BRMS1: variants seen among roughly 807,000 people sequenced by gnomAD.
BRMS1 encodes the protein BRMS1 transcriptional repressor and anoikis regulator, also known as breast cancer metastasis-suppressor 1.
Under a neutral mutation model 40.4 loss-of-function variants are expected in BRMS1, and 26 were observed. The observed-to-expected ratio is 0.64, with a 90% CI of 0.47 to 0.89. The LOEUF is 0.89. BRMS1 is among the 40% of genes least tolerant of loss of function. BRMS1 has a pLI of 0.00. For missense variants in BRMS1, 289 were observed against 309.4 expected (o/e 0.93, Z 0.49); for synonymous variants, 103 against 116.0 (o/e 0.89, Z 0.72).
In BRMS1 at chr11:66,342,080, G is replaced by C; in HGVS notation, c.139+16C>G. ...TCTGTGTGTGTGTGTGTGTGTCTGT[G>C]TGTGTAGGGGCTCACCGGAGCTCTC... On this transcript the variant is annotated intron_variant, in intron 2 of 9. Coordinates refer to ENST00000359957, the MANE Select transcript of BRMS1 (RefSeq NM_015399.4). 6.2e-7 allele frequency: 1 copy of C among 1,608,436 alleles called. No homozygotes were observed. The highest frequency in any genetic ancestry group is 8.5e-7 in the Non-Finnish European group (1 of 1,177,776).
intron 1 of BRMS1, among the ~76,000 whole-genome samples, 152 bp from the exon 2 acceptor site, chr11:66,342,393 G>A (rs1452678412): frequency 6.6e-6 from 1 of 152,054 alleles, no homozygotes; most frequent in Non-Finnish European, 1.5e-5. Flanking sequence ...GGGTGACAAG[G>A]GTGCAAATGG....
At chr11:66,340,732 G>T in intron 6 of BRMS1, 42 bp downstream of exon 6, 1 of 1,548,676 alleles carries the variant, frequency 6.5e-7, no homozygotes, top group South Asian at 1.1e-5. Flanking sequence ...GGCGTGGACT[G>T]AGCGGGGCCC....
rs548593872 is a variant in BRMS1, at chr11:66,341,726, T to C, written c.140-103A>G. 3,221 of 976,046 alleles carry C rather than the reference T, an allele frequency of 3.3e-3. 8 individuals are homozygous for C. Among genetic ancestry groups the C allele is most frequent in the Non-Finnish European group, 3.7e-3 (2,269 of 609,230 alleles). The allele number at this position is 976,046 out of a possible 1,614,324, so 60.5% of individuals were successfully genotyped here. ...GTGTGTGTGTGCATGCATGCCTGTG[T>C]GTAGGGCCTGTGTGTGTGTGCGCGT... On this transcript the variant is annotated intron_variant, in intron 2 of 9. Transcript: ENST00000359957. The surrounding 1 kb of genome is among the most constrained non-coding windows in gnomAD (Gnocchi z 4.9).
chr11:66,342,058 G>GTGTA, intron 2 of BRMS1, 38 bp downstream of exon 2: 1 of 1,281,260 alleles, frequency 7.8e-7, no homozygotes, highest in Non-Finnish European at 1.1e-6. Context: ...TAGGGGCTCT[G>GTGTA]TGTGTGTGTG....
In BRMS1 at chr11:66,338,786, C is replaced by T. The variant is rs1854999470; in HGVS notation, c.629-1G>A. The T allele has an allele frequency of 6.5e-7, 1 of 1,538,476 alleles. No homozygotes were observed. The highest frequency in any genetic ancestry group is 8.8e-7 in the Non-Finnish European group (1 of 1,141,240). Reference sequence around the variant, plus strand: ...TGAAGCATGTACACGATGTATGGGCCTGTGGTGGGGGTCAAGGAAGCCTAG... The same window carrying T: ...TGAAGCATGTACACGATGTATGGGCTTGTGGTGGGGGTCAAGGAAGCCTAG... On this transcript the variant is annotated splice_acceptor_variant, in intron 7 of 9. Transcript: ENST00000359957. LOFTEE classifies it high-confidence loss of function.
chr11:66,338,851 C>T lies in BRMS1; in HGVS notation c.629-66G>A. Reference sequence around the variant, plus strand: ...GACGAGGGCAGGGCCACCCACCTGACATTCAGGAGTGGGGGTACAGCGGAC... The same window carrying T: ...GACGAGGGCAGGGCCACCCACCTGATATTCAGGAGTGGGGGTACAGCGGAC... On this transcript the variant is annotated intron_variant, in intron 7 of 9. Transcript: ENST00000359957. The T allele has an allele frequency of 2.1e-6, 3 of 1,454,530 alleles. No individual in the cohort carries two copies. The South Asian group carries it at 4.1e-5, about 20-fold the overall frequency. 90.1% of individuals were successfully genotyped at this position (1,454,530 alleles called of 1,614,324 possible). A position where few individuals can be genotyped will look rare whatever the true frequency, so the allele number is the denominator to read the frequency against.
chr11:66,341,893 T>C lies in BRMS1; in HGVS notation c.139+203A>G. On this transcript the variant is annotated intron_variant, in intron 2 of 9. Transcript: ENST00000359957. This position sits in a 1 kb window ranked among gnomAD's most constrained non-coding sequence, Gnocchi z 4.9. The stretch of plus-strand genomic sequence containing the variant: ...GGCTGTGTGTGTGCATACGTGCTTG[T>C]GTGTAGGGGCTGTGTGTGCGTGCTT... 3.0e-6 allele frequency: 2 copies of C among 665,778 alleles called. No homozygotes were observed. Among genetic ancestry groups the C allele is most frequent in the Non-Finnish European group, 5.1e-6 (2 of 388,826 alleles). 41.2% of individuals were successfully genotyped at this position (665,778 alleles called of 1,614,324 possible).
chr11:66,344,697 CTT>C (rs1855163974), intron 1 of BRMS1: 1 of 152,344 alleles, frequency 6.6e-6, no homozygotes, highest in Admixed American at 6.5e-5. Flanking sequence ...GGCAATTTAT[CTT>C]TTCAGAATGG....
chr11:66,338,555 G>A (rs759952275), intron 8 of BRMS1, 166 bp downstream of exon 8: 29 of 1,498,900 alleles, frequency 1.9e-5, no homozygotes, highest in East Asian at 5.3e-5. Flanking sequence ...TCCCAGGGCC[G>A]CCTTGAGCAA....
At chr11:66,340,038 T>C (rs1310384808) in intron 7 of BRMS1, 83 bp downstream of exon 7, 1 of 1,132,234 alleles carries the variant, frequency 8.8e-7, no homozygotes, top group African/African-American at 1.5e-5. Flanking sequence ...CTGTCCTCCA[T>C]GTCCCCTCCA....
chr11:66,339,565 G>GCT (rs1331275244), intron 7 of BRMS1, among the ~76,000 whole-genome samples: 1 of 152,170 alleles, frequency 6.6e-6, no homozygotes, highest in Non-Finnish European at 1.5e-5. Context: ...ATGAGCAAAG[G>GCT]CTCCCCAGGG....
intron 7 of BRMS1, among the ~76,000 whole-genome samples, chr11:66,339,519 T>C (rs1855017169): frequency 1.3e-5 from 2 of 152,074 alleles, no homozygotes; most frequent in South Asian, 4.1e-4. Flanking sequence ...CCCTGGACAG[T>C]CGGGACAGGC....
At position 66,341,994 on chromosome 11, in the gene BRMS1, G is replaced by A; in HGVS notation, c.139+102C>T. 7.7e-7 allele frequency: 1 copy of A among 1,304,336 alleles called. No homozygotes were observed. The highest frequency in any genetic ancestry group is 1.1e-6 in the Non-Finnish European group (1 of 945,324). The allele number at this position is 1,304,336 out of a possible 1,614,324, so 80.8% of individuals were successfully genotyped here. ...ATGTGCTTGTGTGTAGGCGCTGTAT[G>A]TGCATGTGCGTGCATGCTTGTGTGT... On this transcript the variant is annotated intron_variant, in intron 2 of 9. Coordinates refer to ENST00000359957, the MANE Select transcript of BRMS1 (RefSeq NM_015399.4). This position sits in a 1 kb window ranked among gnomAD's most constrained non-coding sequence, Gnocchi z 4.9.
chr11:66,337,978 CCAGAA>C, intron 9 of BRMS1, 89 bp from the exon 10 acceptor site: 3 of 1,428,926 alleles, frequency 2.1e-6, no homozygotes, highest in Non-Finnish European at 2.9e-6. Flanking sequence ...TTGGGCTGGC[CCAGAA>C]CAGGCCTCCT....
chr11:66,339,254 T>C (rs948360), intron 7 of BRMS1, among the ~76,000 whole-genome samples: 116,990 of 152,224 alleles, frequency 0.77, 49,077 homozygotes, highest in South Asian at 0.95. Flanking sequence ...CAGGTTGCCA[T>C]AATGACTAAG....
chr11:66,342,971 G>A (rs778157244), intron 1 of BRMS1, among the ~76,000 whole-genome samples: 3 of 152,118 alleles, frequency 2.0e-5, no homozygotes, highest in Non-Finnish European at 2.9e-5. Context: ...CTCTTGGACC[G>A]CAGGTCATCA....
At chr11:66,340,042 C>G (rs1590927768) in intron 7 of BRMS1, 79 bp downstream of exon 7, 1 of 1,186,192 alleles carries the variant, frequency 8.4e-7, no homozygotes, top group East Asian at 2.4e-5. Flanking sequence ...CCTCCATGTC[C>G]CCTCCAACCC....
chr11:66,338,349 C>T, intron 8 of BRMS1, 67 bp from the exon 9 acceptor site: 2 of 1,557,012 alleles, frequency 1.3e-6, no homozygotes, highest in Non-Finnish European at 1.7e-6. Context: ...TGCCCCACCC[C>T]CCACCTCTGT....
chr11:66,338,145 C>T (rs147449592), intron 9 of BRMS1, 98 bp downstream of exon 9: 4 of 1,501,032 alleles, frequency 2.7e-6, no homozygotes, highest in East Asian at 4.8e-5. Context: ...GATTCTGACA[C>T]AGTCACAGCC....
Sources: gnomAD v4.1 joint callset for allele counts (sites outside exome capture counted in the v4.1 genomes callset) on GRCh38, gnomAD v4.1.1 for gene constraint, Gnocchi (gnomAD v3.1) non-coding constraint, MANE v1.5 for transcripts, NCBI Gene and HGNC (gene_info 2026-07-23, HGNC 2026-07-21) for gene names.